The following NUBPL variants were observed in gnomAD, a reference collection of about 807,000 sequenced individuals.
NUBPL encodes the protein NUBP iron-sulfur cluster assembly factor, mitochondrial.
A neutral mutation model predicts 45.7 loss-of-function variants in NUBPL; 31 were observed. That is an observed-to-expected ratio of 0.68 (90% CI 0.51 to 0.92). The LOEUF (loss-of-function observed/expected upper bound fraction) is 0.92. Among genes scored for constraint, NUBPL ranks in the 40% least tolerant of loss-of-function variants. The pLI, the probability that NUBPL is intolerant of heterozygous loss-of-function variation, is 0.00. For missense variants in NUBPL, 401 were observed against 398.7 expected (o/e 1.01, Z -0.05); for synonymous variants, 144 against 140.9 (o/e 1.02, Z -0.15).
At chr14:31,683,873 G>A (rs1008805115) in intron 6 of NUBPL, among the ~76,000 whole-genome samples, 1 of 151,874 alleles carries the variant, frequency 6.6e-6, no homozygotes, top group African/African-American at 2.4e-5. Flanking sequence ...ATTTTGAGTT[G>A]ACATTTTAAA....
intron 4 of NUBPL, among the ~76,000 whole-genome samples, chr14:31,631,227 G>T (rs1206016049): frequency 6.6e-6 from 1 of 152,006 alleles, no homozygotes; most frequent in African/African-American, 2.4e-5. Flanking sequence ...GTTTTTTACA[G>T]GTGTCTGTGT....
At position 31,780,802 on chromosome 14, in the gene NUBPL, A is replaced by G. The variant is rs183063492; in HGVS notation, c.514-6978A>G. Among the ~76,000 whole-genome samples the G allele has an allele frequency of 2.5e-3, 388 of 152,328 alleles. 1 individual carries two copies. Among genetic ancestry groups the G allele is most frequent in the African/African-American group, 8.6e-3 (356 of 41,584 alleles). ...TTGTAACTAACAAAGAAATCTAGGTATTTCGGTAGCATATAACTAATTTCA... is the reference window on the plus strand; with the variant it reads ...TTGTAACTAACAAAGAAATCTAGGTGTTTCGGTAGCATATAACTAATTTCA... On this transcript the variant is annotated intron_variant, in intron 6 of 10. Coordinates refer to ENST00000281081, the MANE Select transcript of NUBPL (RefSeq NM_025152.3).
chr14:31,679,959 A>G (rs752456720), intron 6 of NUBPL, among the ~76,000 whole-genome samples: 1 of 152,042 alleles, frequency 6.6e-6, no homozygotes, highest in Non-Finnish European at 1.5e-5. Context: ...CTTTTGTTAG[A>G]TATATCTTTT....
At chr14:31,638,804 A>C (rs2035588935) in intron 4 of NUBPL, among the ~76,000 whole-genome samples, 1 of 152,070 alleles carries the variant, frequency 6.6e-6, no homozygotes, top group Non-Finnish European at 1.5e-5. Flanking sequence ...TTTTTTCTCT[A>C]AACTTCCCTT....
intron 6 of NUBPL, among the ~76,000 whole-genome samples, chr14:31,727,549 A>T (rs1344185007): frequency 6.6e-6 from 1 of 152,168 alleles, no homozygotes; most frequent in Non-Finnish European, 1.5e-5. Context: ...GATTTTTTTA[A>T]AGTTATGTAT....
At chr14:31,661,193 A>G (rs932494842) in intron 4 of NUBPL, among the ~76,000 whole-genome samples, 1 of 152,222 alleles carries the variant, frequency 6.6e-6, no homozygotes, top group Non-Finnish European at 1.5e-5. Context: ...AAATAGTTTG[A>G]CTTACAGTAA....
chr14:31,610,077 A>G (rs2035164133), intron 4 of NUBPL, among the ~76,000 whole-genome samples: 1 of 152,140 alleles, frequency 6.6e-6, no homozygotes, highest in Non-Finnish European at 1.5e-5. Context: ...ATCAGAGAAG[A>G]AGTAAATGAA....
At chr14:31,846,094 T>C in intron 8 of NUBPL, 1 of 293,466 alleles carries the variant, frequency 3.4e-6, no homozygotes, top group Non-Finnish European at 6.5e-6. Flanking sequence ...CACACAGTTT[T>C]ATTTTGCTAC....
At chr14:31,789,043 G>A (rs985553448) in intron 7 of NUBPL, among the ~76,000 whole-genome samples, 1 of 152,186 alleles carries the variant, frequency 6.6e-6, no homozygotes, top group African/African-American at 2.4e-5. Flanking sequence ...ATAAATATTA[G>A]GGGCTGAGTG....
chr14:31,789,228 AG>A (rs1298431929), intron 7 of NUBPL, among the ~76,000 whole-genome samples: 11 of 152,120 alleles, frequency 7.2e-5, no homozygotes, highest in African/African-American at 2.7e-4. Flanking sequence ...CGGGAGGCTG[AG>A]GCAGGAGAAT....
chr14:31,822,550 G>A (rs1171988656), intron 7 of NUBPL, among the ~76,000 whole-genome samples: 1 of 152,102 alleles, frequency 6.6e-6, no homozygotes, highest in East Asian at 1.9e-4. Flanking sequence ...TTATGTGTGA[G>A]CCAGTTATGT....
intron 3 of NUBPL, among the ~76,000 whole-genome samples, chr14:31,568,323 A>G (rs1374515485): frequency 6.6e-6 from 1 of 152,234 alleles, no homozygotes; most frequent in African/African-American, 2.4e-5. Context: ...TGAAAAAAAC[A>G]GTTAACTCAT....
At chr14:31,838,712 T>G (rs1595697778) in intron 8 of NUBPL, among the ~76,000 whole-genome samples, 1 of 152,188 alleles carries the variant, frequency 6.6e-6, no homozygotes, top group Non-Finnish European at 1.5e-5. Context: ...CCTGATATAC[T>G]TTGATGGAAA....
At chr14:31,827,584 C>G (rs2040125988) in intron 8 of NUBPL, among the ~76,000 whole-genome samples, 2 of 152,170 alleles carry the variant, frequency 1.3e-5, no homozygotes, top group South Asian at 2.1e-4. Context: ...TGATGCTTCT[C>G]TGTGGCTGGC....
chr14:31,781,433 A>T (rs2039189197), intron 6 of NUBPL, among the ~76,000 whole-genome samples: 1 of 152,228 alleles, frequency 6.6e-6, no homozygotes, highest in Admixed American at 6.5e-5. Flanking sequence ...TTATACTGGG[A>T]TAAAATATTG....
At chr14:31,697,149 G>T (rs931115715) in intron 6 of NUBPL, among the ~76,000 whole-genome samples, 1 of 152,208 alleles carries the variant, frequency 6.6e-6, no homozygotes, top group Non-Finnish European at 1.5e-5. Flanking sequence ...AGAGGTCCTG[G>T]AACAGTTCAT....
At chr14:31,857,916 C>G (rs1322208445) in intron 10 of NUBPL, among the ~76,000 whole-genome samples, 1 of 152,176 alleles carries the variant, frequency 6.6e-6, no homozygotes, top group Non-Finnish European at 1.5e-5. Flanking sequence ...TCCAAAGTCA[C>G]TTCCACATTT....
At chr14:31,743,623 G>A (rs2038332759) in intron 6 of NUBPL, among the ~76,000 whole-genome samples, 1 of 152,122 alleles carries the variant, frequency 6.6e-6, no homozygotes, top group South Asian at 2.1e-4. Context: ...CTGGTGGTCT[G>A]CCCTCACTGG....
Position 31,561,510 on chromosome 14 carries a change from C to T in NUBPL, c.71C>T (p.Pro24Leu), listed in dbSNP as rs556060060. Residue 24 changes from proline to leucine, a missense_variant, in exon 1 of 11, where the codon CCG becomes CTG. By Grantham distance (98) the Pro-to-Leu change is moderately conservative. Coordinates refer to ENST00000281081, the MANE Select transcript of NUBPL (RefSeq NM_025152.3). ...CGGGCTGGTGGCGGGGCCACTGCCCCGCTTGGGGGAAGCCGAGCGATGGTT... is the reference window on the plus strand; with the variant it reads ...CGGGCTGGTGGCGGGGCCACTGCCCTGCTTGGGGGAAGCCGAGCGATGGTT... Reference protein sequence around the residue: ...SLRAGGGATAPLGGSRAMVCG... With the variant: ...SLRAGGGATALLGGSRAMVCG... The T allele has an allele frequency of 1.9e-5, 27 of 1,385,328 alleles. No homozygotes were observed. The South Asian group carries it at 2.9e-4, about 15-fold the overall frequency. 85.8% of individuals were successfully genotyped at this position (1,385,328 alleles called of 1,614,324 possible).
Sources: gnomAD v4.1 joint callset for allele counts (sites outside exome capture counted in the v4.1 genomes callset) on GRCh38, gnomAD v4.1.1 for gene constraint, MANE v1.5 for transcripts, NCBI Gene and HGNC (gene_info 2026-07-23, HGNC 2026-07-21) for gene names.